The following CREM variants were observed in gnomAD, a reference collection of about 807,000 sequenced individuals.
CREM encodes the protein cAMP responsive element modulator.
A neutral mutation model predicts 37.3 loss-of-function variants in CREM; 13 were observed. That is an observed-to-expected ratio of 0.35 (90% CI 0.23 to 0.55). The LOEUF (loss-of-function observed/expected upper bound fraction) is 0.55. CREM is among the 20% of genes least tolerant of loss of function. The pLI, the probability that CREM is intolerant of heterozygous loss-of-function variation, is 0.88. For missense variants in CREM, 296 were observed against 362.3 expected (o/e 0.82, Z 1.49); for synonymous variants, 124 against 120.2 (o/e 1.03, Z -0.21).
intron 5 of CREM, among the ~76,000 whole-genome samples, chr10:35,180,510 G>C (rs2094308329): frequency 6.6e-6 from 1 of 152,144 alleles, no homozygotes; most frequent in South Asian, 2.1e-4. Context: ...GTTGGTAATT[G>C]AGGGGAACTC....
At chr10:35,197,549 T>C (rs35557860) in intron 6 of CREM, among the ~76,000 whole-genome samples, 20,598 of 151,738 alleles carry the variant, frequency 0.14, 1,592 homozygotes, top group South Asian at 0.2. Flanking sequence ...GCCTCCCGGG[T>C]TCACGCCATT....
chr10:35,181,146 T>C (rs182473901), intron 5 of CREM, among the ~76,000 whole-genome samples: 1 of 152,306 alleles, frequency 6.6e-6, no homozygotes, highest in African/African-American at 2.4e-5. Flanking sequence ...AATTTGAAAT[T>C]GTGAAAATGT....
intron 1 of CREM, among the ~76,000 whole-genome samples, chr10:35,133,370 C>G (rs1430058572): frequency 6.7e-6 from 1 of 150,076 alleles, no homozygotes; most frequent in Non-Finnish European, 1.5e-5. Context: ...TGCAATGGAG[C>G]AATCTCGGCT....
intron 1 of CREM, among the ~76,000 whole-genome samples, chr10:35,133,353 G>T (rs1385715933): frequency 1.3e-5 from 2 of 150,426 alleles, no homozygotes; most frequent in East Asian, 3.9e-4. Flanking sequence ...TGTCACCCAG[G>T]TTGGAGTGCA....
At chr10:35,148,194 A>G (rs2092314287) in intron 2 of CREM, among the ~76,000 whole-genome samples, 174 bp from the exon 3 acceptor site, 1 of 152,216 alleles carries the variant, frequency 6.6e-6, no homozygotes, top group South Asian at 2.1e-4. Flanking sequence ...GTTTTGAGCC[A>G]TAGCATGAGG....
chr10:35,145,027 G>A (rs1296132269), intron 2 of CREM, among the ~76,000 whole-genome samples: 1 of 151,858 alleles, frequency 6.6e-6, no homozygotes, highest in East Asian at 1.9e-4. Context: ...CGGGTGTGGT[G>A]GCGCGTGCCT....
chr10:35,181,279 A>G (rs955145984), intron 5 of CREM, among the ~76,000 whole-genome samples: 1 of 152,248 alleles, frequency 6.6e-6, no homozygotes, highest in African/African-American at 2.4e-5. Context: ...AGTGGGAATA[A>G]TACTAAATTG....
chr10:35,202,806 T>A (rs886791398), intron 6 of CREM, among the ~76,000 whole-genome samples: 1 of 152,216 alleles, frequency 6.6e-6, no homozygotes, highest in Admixed American at 6.5e-5. Flanking sequence ...TAAAACCCAG[T>A]CACCTAACAT....
chr10:35,135,505 C>T (rs866083563), intron 1 of CREM: 4 of 151,708 alleles, frequency 2.6e-5, no homozygotes, highest in African/African-American at 7.3e-5. Context: ...ATGCCCACCA[C>T]CCCCCGAAAA....
chr10:35,139,019 A>G (rs1237274802), intron 2 of CREM, among the ~76,000 whole-genome samples: 1 of 152,164 alleles, frequency 6.6e-6, no homozygotes, highest in Non-Finnish European at 1.5e-5. Flanking sequence ...TTTTCTATCA[A>G]AGTTTGCTAA....
chr10:35,175,994 G>A (rs1178239135), intron 3 of CREM: 9 of 1,549,770 alleles, frequency 5.8e-6, no homozygotes, highest in African/African-American at 1.4e-5. Flanking sequence ...AATACACACC[G>A]TTCAGGTTAG....
chr10:35,199,408 TATTC>T (rs1268212848), intron 6 of CREM, among the ~76,000 whole-genome samples: 3 of 152,262 alleles, frequency 2.0e-5, no homozygotes, highest in Non-Finnish European at 4.4e-5. Flanking sequence ...CAAATATATT[TATTC>T]ATTTATATTC....
chr10:35,130,407 T>C (rs2089134074), intron 1 of CREM, among the ~76,000 whole-genome samples: 1 of 152,170 alleles, frequency 6.6e-6, no homozygotes, highest in African/African-American at 2.4e-5. Flanking sequence ...TGATACTGTA[T>C]ATCCAGTAGA....
intron 3 of CREM, among the ~76,000 whole-genome samples, chr10:35,164,983 G>A (rs1430314475): frequency 3.4e-5 from 5 of 147,290 alleles, no homozygotes; most frequent in Admixed American, 6.9e-5. Context: ...ACTTGAACCC[G>A]GAAGGCAGAA....
intron 6 of CREM, chr10:35,196,067 A>C (rs754775769): frequency 6.2e-7 from 1 of 1,614,204 alleles, no homozygotes; most frequent in East Asian, 2.2e-5. Flanking sequence ...TAATGCATGA[A>C]CAGAACTCAG....
At chr10:35,139,495 T>C (rs1038949300) in intron 2 of CREM, among the ~76,000 whole-genome samples, 8 of 152,204 alleles carry the variant, frequency 5.3e-5, no homozygotes, top group African/African-American at 1.9e-4. Context: ...TTGTTGTTAA[T>C]TTATAGTGCT....
chr10:35,160,485 A>C (rs2093222771), intron 3 of CREM, among the ~76,000 whole-genome samples: 1 of 152,116 alleles, frequency 6.6e-6, no homozygotes, highest in African/African-American at 2.4e-5. Context: ...TGCAGCCTCA[A>C]ACTCCTGGGC....
chr10:35,188,100 A>C (rs2094730892), intron 5 of CREM, 100 bp from the exon 6 acceptor site: 1 of 1,156,574 alleles, frequency 8.6e-7, no homozygotes, highest in South Asian at 1.7e-5. Flanking sequence ...CTGAGAAAGA[A>C]GCAATGGTAA....
intron 2 of CREM, among the ~76,000 whole-genome samples, chr10:35,139,391 A>G (rs1564797674): frequency 6.6e-6 from 1 of 152,196 alleles, no homozygotes; most frequent in Non-Finnish European, 1.5e-5. Context: ...AAGTGCTGGG[A>G]TTACAGGCAT....
Sources: allele counts gnomAD v4.1 joint callset (sites outside exome capture counted in the v4.1 genomes callset), GRCh38; gene constraint gnomAD v4.1.1; transcripts MANE v1.5; gene names NCBI Gene and HGNC (gene_info 2026-07-23, HGNC 2026-07-21).